The following CHRAC1 variants were observed in gnomAD, a reference collection of about 807,000 sequenced individuals.
The protein encoded by CHRAC1 is chromatin accessibility complex protein 1.
CHRAC1 carries 6 observed loss-of-function variants against 9.1 expected under a neutral mutation model. That is an observed-to-expected ratio of 0.66 (90% CI 0.36 to 1.29). CHRAC1 has a LOEUF of 1.29. CHRAC1 is among the 50% of genes most tolerant of loss of function. CHRAC1 has a pLI of 0.03. For missense variants in CHRAC1, 168 were observed against 163.5 expected, an observed-to-expected ratio of 1.03 and a Z score of -0.15; for synonymous variants, 73 against 64.5, an observed-to-expected ratio of 1.13 and a Z score of -0.63.
rs1357760029 is a variant in CHRAC1 at position 140,514,437 on chromosome 8, G to C, written c.216G>C (p.Leu72=). ...RHGSGKEKKV[L]TYSDLANTAQ... ...GCAGTGGAAAGGAAAAGAAAGTACTGACTTACAGTGATTTAGCAAACACTG... is the reference window on the plus strand; with the variant it reads ...GCAGTGGAAAGGAAAAGAAAGTACTCACTTACAGTGATTTAGCAAACACTG... Residue 72 remains leucine, a synonymous_variant, in exon 2 of 3, where the codon CTG becomes CTC. Coordinates refer to ENST00000220913, the MANE Select transcript of CHRAC1 (RefSeq NM_017444.6). The C allele has an allele frequency of 6.3e-7, 1 of 1,583,442 alleles. No homozygotes were observed. Among genetic ancestry groups the C allele is most frequent in the African/African-American group, 1.4e-5 (1 of 72,750 alleles).
intron 1 of CHRAC1, among the ~76,000 whole-genome samples, chr8:140,513,773 G>A (rs539520724): frequency 3.9e-5 from 6 of 152,056 alleles, no homozygotes; most frequent in Non-Finnish European, 8.8e-5. Flanking sequence ...CTAGAGGTTG[G>A]TCATTAAACA....
At position 140,516,334 on chromosome 8, in the gene CHRAC1, A is replaced by G. The variant is rs751977675; in HGVS notation, c.*1087A>G. The G allele has an allele frequency of 6.6e-6, 1 of 152,042 alleles. No homozygotes were observed. Among genetic ancestry groups the G allele is most frequent in the Non-Finnish European group, 1.5e-5 (1 of 68,028 alleles). 9.4% of individuals were successfully genotyped at this position (152,042 alleles called of 1,614,324 possible). ...AACCTATTTTTGTATTTTTTAGTAG[A>G]GACGGGGTTCACCATGTTGGCCAGG... is the stretch of plus-strand genomic sequence containing the variant. On this transcript the variant is annotated 3_prime_UTR_variant, in exon 3 of 3. Coordinates refer to ENST00000220913, the MANE Select transcript of CHRAC1 (RefSeq NM_017444.6).
Position 140,511,542 on chromosome 8 carries a change from C to A in CHRAC1, c.43C>A (p.Arg15=). The A allele has an allele frequency of 7.0e-7, 1 of 1,422,372 alleles. No individual in the cohort carries two copies. Among genetic ancestry groups the A allele is most frequent in the Non-Finnish European group, 9.3e-7 (1 of 1,079,988 alleles). The allele number at this position is 1,422,372 out of a possible 1,614,324, so 88.1% of individuals were successfully genotyped here. ...GGGTAAAGACAAGGGCGGGGAGCAGCGGCTCATCTCGCTGCCTCTATCCCG... is the reference window on the plus strand; with the variant it reads ...GGGTAAAGACAAGGGCGGGGAGCAGAGGCTCATCTCGCTGCCTCTATCCCG... ...VVGKDKGGEQ[R]LISLPLSRIR... The change falls in exon 1 of 3, where the codon CGG becomes AGG. Residue 15 remains arginine, a synonymous_variant. Coordinates refer to ENST00000220913, the MANE Select transcript of CHRAC1 (RefSeq NM_017444.6).
At position 140,514,417 on chromosome 8, in the gene CHRAC1, G is replaced by C; in HGVS notation, c.196G>C (p.Gly66Arg). 1 of 1,585,730 alleles carries C rather than the reference G, an allele frequency of 6.3e-7. No homozygotes were observed. The highest frequency in any genetic ancestry group is 2.3e-5 in the East Asian group (1 of 43,814). ...CACCTATTCCTACAGACACGGCAGT[G>C]GAAAGGAAAAGAAAGTACTGACTTA... ...LATYSYRHGS[G>R]KEKKVLTYSD... Residue 66 changes from glycine to arginine, a missense_variant, in exon 2 of 3, where the codon GGA becomes CGA. Transcript: ENST00000220913.
chr8:140,514,098 G>A (rs549358330), intron 1 of CHRAC1, among the ~76,000 whole-genome samples: 15 of 151,208 alleles, frequency 9.9e-5, no homozygotes, highest in African/African-American at 3.6e-4. Context: ...TAGAGATGGG[G>A]TTTCACTATG....
At chr8:140,515,086 T>G in intron 2 of CHRAC1, 40 bp from the exon 3 acceptor site, 1 of 1,596,888 alleles carries the variant, frequency 6.3e-7, no homozygotes, top group African/African-American at 1.3e-5. Context: ...GTTCATAGTC[T>G]ACCATAACCA....
In CHRAC1 at chr8:140,515,328, C is replaced by G; in HGVS notation, c.*81C>G. On this transcript the variant is annotated 3_prime_UTR_variant, in exon 3 of 3. Coordinates refer to ENST00000220913, the MANE Select transcript of CHRAC1 (RefSeq NM_017444.6). ...GTCTCTAAGTAAACACAGCACTGCC[C>G]GCTTTTAGCGTCTTCACTTCTTCAC... 1 of 1,395,406 alleles carries G rather than the reference C, an allele frequency of 7.2e-7. No homozygotes were observed. 86.4% of individuals were successfully genotyped at this position (1,395,406 alleles called of 1,614,324 possible). A position where few individuals can be genotyped will look rare whatever the true frequency, so the allele number is the denominator to read the frequency against.
At chr8:140,513,327 C>G (rs2072299810) in intron 1 of CHRAC1, among the ~76,000 whole-genome samples, 2 of 152,188 alleles carry the variant, frequency 1.3e-5, no homozygotes, top group African/African-American at 4.8e-5. Flanking sequence ...AAGCTGTGGT[C>G]ACTATAGTTG....
At chr8:140,514,531 A>G (rs1228690588) in intron 2 of CHRAC1, 36 bp downstream of exon 2, 13 of 1,509,438 alleles carry the variant, frequency 8.6e-6, no homozygotes, top group East Asian at 2.5e-5. Context: ...TTAAAAAATG[A>G]TTAGTAATCA....
chr8:140,515,241 C>T lies in CHRAC1; in HGVS notation c.390C>T (p.Asp130=), dbSNP rs1003535321. 2 of 1,613,652 alleles carry T rather than the reference C, an allele frequency of 1.2e-6. No homozygotes were observed. Among genetic ancestry groups the T allele is most frequent in the African/African-American group, 2.7e-5 (2 of 74,896 alleles). ...NDNESDHDEA[D]S ...ATGAAAGTGACCATGATGAAGCTGA[C>T]TCCTAAACCAAAAGTGCTTTAAAAA... is the stretch of plus-strand genomic sequence containing the variant. The change falls in exon 3 of 3, where the codon GAC becomes GAT. Residue 130 remains aspartate (D), a synonymous_variant. Transcript: ENST00000220913.
At position 140,515,571 on chromosome 8, in the gene CHRAC1, T is replaced by C. The variant is rs547807515; in HGVS notation, c.*324T>C. ...GCAAGGCCAATTTTAACTTTTCAATTTACAGTCGATTTTGAAGAGCTTCTA... is the reference window on the plus strand; with the variant it reads ...GCAAGGCCAATTTTAACTTTTCAATCTACAGTCGATTTTGAAGAGCTTCTA... On this transcript the variant is annotated 3_prime_UTR_variant, in exon 3 of 3. Coordinates refer to ENST00000220913, the MANE Select transcript of CHRAC1 (RefSeq NM_017444.6). 5.5e-4 allele frequency: 106 copies of C among 192,144 alleles called. 1 individual carries two copies. Among genetic ancestry groups the C allele is most frequent in the African/African-American group, 2.3e-3 (100 of 43,140 alleles). 11.9% of individuals were successfully genotyped at this position (192,144 alleles called of 1,614,324 possible).
At position 140,515,986 on chromosome 8, in the gene CHRAC1, AAATT is replaced by A. The variant is rs2072331959; in HGVS notation, c.*740_*743del. ...TGTATAAGCATGTTGTACTAAAAAA[AAATT>A]TTGAAACATTTTGTATATTGGAGAT... On this transcript the variant is annotated 3_prime_UTR_variant, in exon 3 of 3. Coordinates refer to ENST00000220913, the MANE Select transcript of CHRAC1 (RefSeq NM_017444.6). 1.3e-5 allele frequency: 2 copies of A among 152,222 alleles called. No homozygotes were observed. Among genetic ancestry groups the A allele is most frequent in the South Asian group, 4.1e-4 (2 of 4,834 alleles). 9.4% of individuals were successfully genotyped at this position (152,222 alleles called of 1,614,324 possible). A position where few individuals can be genotyped will look rare whatever the true frequency, so the allele number is the denominator to read the frequency against.
At position 140,515,237 on chromosome 8, in the gene CHRAC1, C is replaced by T. The variant is rs762320962; in HGVS notation, c.386C>T (p.Ala129Val). Residue 129 changes from alanine (A) to valine (V), a missense_variant, in exon 3 of 3, where the codon GCT becomes GTT. Coordinates refer to ENST00000220913, the MANE Select transcript of CHRAC1 (RefSeq NM_017444.6). Reference sequence around the variant, plus strand: ...GATAATGAAAGTGACCATGATGAAGCTGACTCCTAAACCAAAAGTGCTTTA... The same window carrying T: ...GATAATGAAAGTGACCATGATGAAGTTGACTCCTAAACCAAAAGTGCTTTA... Reference protein sequence around the residue: ...DNDNESDHDEADS With the variant: ...DNDNESDHDEVDS 2 of 1,613,926 alleles carry T rather than the reference C, an allele frequency of 1.2e-6. No individual in the cohort carries two copies. The highest frequency in any genetic ancestry group is 1.1e-5 in the South Asian group (1 of 91,062).
chr8:140,511,761 G>A, intron 1 of CHRAC1, 115 bp downstream of exon 1: 4 of 975,524 alleles, frequency 4.1e-6, no homozygotes, highest in Non-Finnish European at 5.4e-6. Context: ...CTCTTGCCGG[G>A]CTCGCGCGCG....
intron 1 of CHRAC1, 81 bp from the exon 2 acceptor site, chr8:140,514,288 C>G: frequency 1.4e-6 from 2 of 1,420,460 alleles, no homozygotes; most frequent in Non-Finnish European, 1.9e-6. Context: ...ATTAAGGAAT[C>G]AACAATGTAA....
Position 140,514,472 on chromosome 8 carries a change from CAG to C in CHRAC1, c.253_254del (p.Glu85AsnfsTer16), listed in dbSNP as rs1564059103. 2 of 1,557,250 alleles carry C rather than the reference CAG, an allele frequency of 1.3e-6. No individual in the cohort carries two copies. The highest frequency in any genetic ancestry group is 8.6e-7 in the Non-Finnish European group (1 of 1,162,380). Reference sequence around the variant, plus strand: ...GATTTAGCAAACACTGCACAGCAATCAGAAACTTTTCAGTTTCTTGCAGGTAC... The same window carrying C: ...GATTTAGCAAACACTGCACAGCAATCAAACTTTTCAGTTTCTTGCAGGTAC... On this transcript the variant is annotated frameshift_variant, in exon 2 of 3. Transcript: ENST00000220913. LOFTEE classifies it high-confidence loss of function.
rs1397548626 is a variant in CHRAC1 at position 140,515,987 on chromosome 8, A to C, written c.*740A>C. 1 of 152,210 alleles carries C rather than the reference A, an allele frequency of 6.6e-6. No homozygotes were observed. Among genetic ancestry groups the C allele is most frequent in the Non-Finnish European group, 1.5e-5 (1 of 68,044 alleles). 9.4% of individuals were successfully genotyped at this position (152,210 alleles called of 1,614,324 possible). ...GTATAAGCATGTTGTACTAAAAAAA[A>C]ATTTTGAAACATTTTGTATATTGGA... On this transcript the variant is annotated 3_prime_UTR_variant, in exon 3 of 3. Transcript: ENST00000220913.
chr8:140,517,075 T>C lies in CHRAC1; in HGVS notation c.*1828T>C, dbSNP rs548530466. ...TGTGTAATTTTCATGTGTCATGAAA[T>C]ACTGTTTTCTCCAACCATTTAATAA... On this transcript the variant is annotated 3_prime_UTR_variant, in exon 3 of 3. Transcript: ENST00000220913. 1.1e-4 allele frequency: 16 copies of C among 152,352 alleles called. No individual in the cohort carries two copies. The highest frequency in any genetic ancestry group is 3.8e-4 in the African/African-American group (16 of 41,582). 9.4% of individuals were successfully genotyped at this position (152,352 alleles called of 1,614,324 possible). A position where few individuals can be genotyped will look rare whatever the true frequency, so the allele number is the denominator to read the frequency against.
intron 1 of CHRAC1, among the ~76,000 whole-genome samples, chr8:140,513,674 T>G (rs2072304926): frequency 6.6e-6 from 1 of 152,016 alleles, no homozygotes; most frequent in African/African-American, 2.4e-5. Flanking sequence ...CTCGATCTCC[T>G]GACCATCCTT....
Sources: gnomAD v4.1 joint callset for allele counts (sites outside exome capture counted in the v4.1 genomes callset) on GRCh38, gnomAD v4.1.1 for gene constraint, MANE v1.5 for transcripts, NCBI Gene and HGNC (gene_info 2026-07-23, HGNC 2026-07-21) for gene names.